Variants in AGRN observed in about 807,000 individuals in gnomAD.
AGRN encodes the protein agrin, also known as agrin proteoglycan.
AGRN carries 106 observed loss-of-function variants against 211.0 expected under a neutral mutation model. The observed-to-expected ratio is 0.50, with a 90% CI of 0.43 to 0.59. AGRN has a LOEUF of 0.59. Ranked by LOEUF, AGRN falls within the 20% of genes least tolerant of loss-of-function variation. The pLI is 0.00. For synonymous variants in AGRN, 1,525 were observed against 1,332.5 expected (o/e 1.14, Z -3.15); for missense variants, 3,040 against 2,982.6 (o/e 1.02, Z -0.45).
Position 1,047,758 on chromosome 1 carries a change from G to A in AGRN, c.3632-18G>A. 6.2e-7 allele frequency: 1 copy of A among 1,610,048 alleles called. No individual in the cohort carries two copies. The highest frequency in any genetic ancestry group is 8.5e-7 in the Non-Finnish European group (1 of 1,178,794). ...GATGCCTGGGGCTCTGCCATGCTCA[G>A]AGCTCCCTCCTCCCCAGCCACAGCC... is the stretch of plus-strand genomic sequence containing the variant. On this transcript the variant is annotated intron_variant, in intron 21 of 35. Transcript: ENST00000379370.
At position 1,049,552 on chromosome 1, in the gene AGRN, C is replaced by T. The variant is rs757241549; in HGVS notation, c.4515-14C>T. ...GGCCCCTGAGCCCTGACCCGGTGTC[C>T]CTCCTGGTGGCAGGGCGCTGGAGCG... is the stretch of plus-strand genomic sequence containing the variant. On this transcript the variant is annotated splice_polypyrimidine_tract_variant and intron_variant, in intron 25 of 35. Coordinates refer to ENST00000379370, the MANE Select transcript of AGRN (RefSeq NM_198576.4). The T allele has an allele frequency of 2.8e-5, 44 of 1,589,906 alleles. No individual in the cohort carries two copies. Among genetic ancestry groups the T allele is most frequent in the South Asian group, 2.3e-5 (2 of 88,404 alleles).
At chr1:1,034,211 C>A in intron 2 of AGRN, 1 of 985,342 alleles carries the variant, frequency 1.0e-6, no homozygotes, top group Non-Finnish European at 1.2e-6. Context: ...CCGGCCTGCG[C>A]GGCTCCGGGG....
intron 27 of AGRN, 23 bp from the exon 28 acceptor site, chr1:1,050,210 G>C (rs1645240615): frequency 6.2e-7 from 1 of 1,612,618 alleles, no homozygotes; most frequent in African/African-American, 1.3e-5. Flanking sequence ...TCAGGACTGA[G>C]GCCTTGGTGA....
rs765853726 is a variant in AGRN, at chr1:1,048,117, C to A, written c.3857C>A (p.Pro1286His). The change falls in exon 23 of 36, where the codon CCT (proline) becomes CAT (histidine). Residue 1286 changes from proline to histidine, a missense_variant. Transcript: ENST00000379370. The surrounding 1 kb of genome is among the most constrained non-coding windows in gnomAD (Gnocchi z 5.9). ...ASRLPSSAVT[P>H]RAPHPSHTSQ... ...CGCCTGCCGTCCTCTGCTGTGACCCCTCGGGCCCCGCACCCCAGTCACACA... is the reference window on the plus strand; with the variant it reads ...CGCCTGCCGTCCTCTGCTGTGACCCATCGGGCCCCGCACCCCAGTCACACA... The A allele has an allele frequency of 6.4e-7, 1 of 1,569,212 alleles. No homozygotes were observed. Among genetic ancestry groups the A allele is most frequent in the South Asian group, 1.2e-5 (1 of 86,402 alleles).
chr1:1,040,420 G>T (rs1644899058), intron 3 of AGRN, among the ~76,000 whole-genome samples: 1 of 152,204 alleles, frequency 6.6e-6, no homozygotes, highest in Admixed American at 6.5e-5. Flanking sequence ...TGCAGGTGCG[G>T]GGTGGGGGAG....
intron 3 of AGRN, among the ~76,000 whole-genome samples, chr1:1,036,624 T>C (rs1011617235): frequency 4.6e-5 from 7 of 152,026 alleles, no homozygotes; most frequent in African/African-American, 1.7e-4. Context: ...GAATGGGGAA[T>C]GGTGGCTGTG....
chr1:1,047,483 C>G, intron 20 of AGRN, 29 bp downstream of exon 20: 5 of 1,612,800 alleles, frequency 3.1e-6, no homozygotes, highest in Non-Finnish European at 3.4e-6. Flanking sequence ...CCCCACCTAC[C>G]CACTGGCCTT....
At position 1,050,220 on chromosome 1, in the gene AGRN, ACT is replaced by A. The variant is rs773533692; in HGVS notation, c.4880-9_4880-8del. ...GGGGGTCAGGACTGAGGCCTTGGTGACTCTCCCTACAGCCTCGGGGCAGGACG... is the reference window on the plus strand; with the variant it reads ...GGGGGTCAGGACTGAGGCCTTGGTGACTCCCTACAGCCTCGGGGCAGGACG... On this transcript the variant is annotated splice_polypyrimidine_tract_variant and intron_variant, in intron 27 of 35. Coordinates refer to ENST00000379370, the MANE Select transcript of AGRN (RefSeq NM_198576.4). 1.2e-6 allele frequency: 2 copies of A among 1,611,852 alleles called. No individual in the cohort carries two copies. Among genetic ancestry groups the A allele is most frequent in the South Asian group, 2.2e-5 (2 of 91,016 alleles).
At chr1:1,022,927 C>T (rs1644441743) in intron 2 of AGRN, among the ~76,000 whole-genome samples, 2 of 152,242 alleles carry the variant, frequency 1.3e-5, no homozygotes, top group Non-Finnish European at 2.9e-5. Flanking sequence ...GAGGGTGTGG[C>T]ATTTGCCATC....
rs763762094 is a variant in AGRN, at chr1:1,047,657, C to T, written c.3601C>T (p.Arg1201Cys). ...LRDLGPGKSV[R>C]AIVDVHFDPT... is the part of the protein sequence containing the mutation. Reference sequence around the variant, plus strand: ...GGACCTGGGGCCCGGCAAATCCGTCCGCGCCATTGTGGATGTGCACTTTGA... The same window carrying T: ...GGACCTGGGGCCCGGCAAATCCGTCTGCGCCATTGTGGATGTGCACTTTGA... The change falls in exon 21 of 36, where the codon CGC becomes TGC. Residue 1201 changes from arginine (R) to cysteine (C), a missense_variant. Transcript: ENST00000379370. The T allele has an allele frequency of 6.2e-6, 10 of 1,612,978 alleles. No homozygotes were observed. The highest frequency in any genetic ancestry group is 2.2e-5 in the East Asian group (1 of 44,898).
chr1:1,043,758 G>A (rs1177932575), intron 9 of AGRN, 26 bp downstream of exon 9: 4 of 1,602,858 alleles, frequency 2.5e-6, no homozygotes, highest in Admixed American at 1.7e-5. Context: ...GGGCCGGGCG[G>A]GCCAGGGTCC....
chr1:1,034,391 A>G (rs1439211857), intron 2 of AGRN: 2 of 985,408 alleles, frequency 2.0e-6, no homozygotes, highest in South Asian at 4.7e-5. Flanking sequence ...TGGAGCCGGG[A>G]CCTGGCACCC....
chr1:1,047,996 C>T lies in AGRN; in HGVS notation c.3752-16C>T, dbSNP rs1461945294. The T allele has an allele frequency of 1.3e-6, 2 of 1,572,482 alleles. No individual in the cohort carries two copies. The highest frequency in any genetic ancestry group is 2.3e-5 in the South Asian group (2 of 86,366). Reference sequence around the variant, plus strand: ...CCCTGCTCCCAGGAAACCCTAACAGCTCCCTGTGCCGGCAGACTGGTTTCC... The same window carrying T: ...CCCTGCTCCCAGGAAACCCTAACAGTTCCCTGTGCCGGCAGACTGGTTTCC... On this transcript the variant is annotated splice_polypyrimidine_tract_variant and intron_variant, in intron 22 of 35. Coordinates refer to ENST00000379370, the MANE Select transcript of AGRN (RefSeq NM_198576.4).
At position 1,050,564 on chromosome 1, in the gene AGRN, A is replaced by G; in HGVS notation, c.5114A>G (p.Asp1705Gly). Residue 1705 changes from aspartate to glycine, a missense_variant, in exon 29 of 36, where the codon GAC (aspartate) becomes GGC (glycine). By Grantham distance (94) the Asp-to-Gly change is moderately conservative. Around this residue, in one of 3 missense-constraint regions of AGRN, gnomAD observed 1,537 missense variants for 1,505.0 expected, o/e 1.02. Transcript: ENST00000379370. ...LRDRRLEFRY[D>G]LGKGAAVIRS... Reference sequence around the variant, plus strand: ...GACCGCCGCCTGGAGTTCCGCTACGACCTGGGCAAGGGGGCAGCGGTCATC... The same window carrying G: ...GACCGCCGCCTGGAGTTCCGCTACGGCCTGGGCAAGGGGGCAGCGGTCATC... 1.9e-6 allele frequency: 3 copies of G among 1,612,024 alleles called. No homozygotes were observed. Among genetic ancestry groups the G allele is most frequent in the Non-Finnish European group, 2.5e-6 (3 of 1,179,594 alleles).
At chr1:1,040,528 C>T in intron 3 of AGRN, 137 bp from the exon 4 acceptor site, 2 of 1,045,794 alleles carry the variant, frequency 1.9e-6, no homozygotes, top group Non-Finnish European at 2.8e-6. Context: ...GCACGCGTGT[C>T]CGTGTCCGTG....
Position 1,022,204 on chromosome 1 carries a change from C to A in AGRN, c.205C>A (p.Arg69=), listed in dbSNP as rs553295392. 2 of 1,612,978 alleles carry A rather than the reference C, an allele frequency of 1.2e-6. No individual in the cohort carries two copies. Among genetic ancestry groups the A allele is most frequent in the African/African-American group, 2.7e-5 (2 of 75,058 alleles). ...PVQHTYSCKV[R]VWRYLKGKDL... ...CCTACCGCCATGTCCACCCCAGGTT[C>A]GGGTCTGGCGGTACTTGAAGGGCAA... The change falls in exon 2 of 36, where the codon CGG becomes AGG. Residue 69 remains arginine (R), a synonymous_variant. Coordinates refer to ENST00000379370, the MANE Select transcript of AGRN (RefSeq NM_198576.4).
rs748726822 is a variant in AGRN at position 1,053,848 on chromosome 1, C to A, written c.5747C>A (p.Ala1916Glu). ...VLWSGKATER[A>E]DYVALAIVDG... ...TGGAGTGGCAAGGCCACGGAGCGGGCAGACTATGTGGCACTGGCCATTGTG... is the reference window on the plus strand; with the variant it reads ...TGGAGTGGCAAGGCCACGGAGCGGGAAGACTATGTGGCACTGGCCATTGTG... The change falls in exon 34 of 36, where the codon GCA becomes GAA. Residue 1916 changes from alanine (A) to glutamate (E), a missense_variant. Physicochemically the swap from Ala to Glu is moderately radical, Grantham distance 107. Coordinates refer to ENST00000379370, the MANE Select transcript of AGRN (RefSeq NM_198576.4). 6.2e-7 allele frequency: 1 copy of A among 1,610,654 alleles called. No individual in the cohort carries two copies. The highest frequency in any genetic ancestry group is 1.1e-5 in the South Asian group (1 of 90,432).
rs1644677673 is a variant in AGRN, at chr1:1,031,560, C to A, written c.464-3717C>A. 1.3e-5 allele frequency among the ~76,000 whole-genome samples: 2 copies of A among 152,176 alleles called. No individual in the cohort carries two copies. Among genetic ancestry groups the A allele is most frequent in the South Asian group, 4.1e-4 (2 of 4,828 alleles). ...CCAGGCTGCCTGCCTGGTTCCCCTT[C>A]CCCTGGCCCAGCCCAAGGGGCCCTA... On this transcript the variant is annotated intron_variant, in intron 2 of 35. Transcript: ENST00000379370. The surrounding 1 kb of genome is among the most constrained non-coding windows in gnomAD (Gnocchi z 4.8).
At chr1:1,037,936 A>G (rs1399491728) in intron 3 of AGRN, among the ~76,000 whole-genome samples, 1 of 151,980 alleles carries the variant, frequency 6.6e-6, no homozygotes, top group Non-Finnish European at 1.5e-5. Flanking sequence ...TGGAGCCTCT[A>G]TGATCCCCTA....
Sources: gnomAD v4.1 joint callset for allele counts (sites outside exome capture counted in the v4.1 genomes callset) on GRCh38, gnomAD v4.1.1 for gene constraint, gnomAD v4.1.1 regional missense constraint, Gnocchi (gnomAD v3.1) non-coding constraint, MANE v1.5 for transcripts, NCBI Gene and HGNC (gene_info 2026-07-23, HGNC 2026-07-21) for gene names.